GFI1B: variants seen among roughly 807,000 people sequenced by gnomAD.
The protein encoded by GFI1B is growth factor independent 1B transcriptional repressor, also known as zinc finger protein Gfi-1b.
A neutral mutation model predicts 35.3 loss-of-function variants in GFI1B; 20 were observed. The ratio of observed to expected loss-of-function variants is 0.57; its 90% CI spans 0.40 to 0.82. The LOEUF is 0.82. Among genes scored for constraint, GFI1B ranks in the 40% least tolerant of loss-of-function variants. The probability of loss-of-function intolerance (pLI) is 0.00; values close to 1 mark genes in which losing one functional copy is unlikely to be tolerated. For missense variants in GFI1B, 430 were observed against 446.3 expected, an observed-to-expected ratio of 0.96 and a Z score of 0.33; for synonymous variants, 178 against 177.6, an observed-to-expected ratio of 1.00 and a Z score of -0.02.
At chr9:132,969,034 TTATG>T (rs1261288234) in intron 1 of GFI1B, among the ~76,000 whole-genome samples, 3 of 151,934 alleles carry the variant, frequency 2.0e-5, no homozygotes, top group African/African-American at 7.3e-5. Context: ...ATGATTTGTT[TTATG>T]TTTTTTTTGA....
At chr9:132,967,565 G>A (rs2905076) in intron 1 of GFI1B, among the ~76,000 whole-genome samples, 29,216 of 152,092 alleles carry the variant, frequency 0.19, 3,435 homozygotes, top group South Asian at 0.29. Context: ...GGGGGAAACT[G>A]CAAAAATGTC....
intron 1 of GFI1B, among the ~76,000 whole-genome samples, chr9:132,949,334 C>T (rs892713230): frequency 2.6e-5 from 4 of 151,348 alleles, no homozygotes; most frequent in Admixed American, 1.3e-4. Context: ...TACACACACA[C>T]ACACACATAC....
Position 132,964,400 on chromosome 9 carries a change from C to T in GFI1B, c.-700-8325C>T, listed in dbSNP as rs548676746. On this transcript the variant is annotated intron_variant, in intron 1 of 10. Transcript: ENST00000339463. ...GGCTCTTGGACCCCTTCACTGTATA[C>T]AAACAAAACCCAGTAATGCTAAATT... Among the ~76,000 whole-genome samples, 5 of 152,188 alleles carry T rather than the reference C, an allele frequency of 3.3e-5. No homozygotes were observed. The East Asian group carries it at 5.8e-4, about 18-fold the overall frequency.
chr9:132,963,897 C>T (rs1848408929), intron 1 of GFI1B: 1 of 152,110 alleles, frequency 6.6e-6, no homozygotes, highest in Non-Finnish European at 1.5e-5. Flanking sequence ...ACCAAGATTT[C>T]CAATGTAAGA....
chr9:132,987,187 G>A, intron 2 of GFI1B, 95 bp from the exon 3 acceptor site: 1 of 1,332,558 alleles, frequency 7.5e-7, no homozygotes. Flanking sequence ...TGTCTCTCTG[G>A]GCCTCCTCCT....
chr9:132,989,625 C>A lies in GFI1B; in HGVS notation c.649-117C>A. On this transcript the variant is annotated intron_variant, in intron 5 of 6. Coordinates refer to ENST00000372122, the MANE Select transcript of GFI1B (RefSeq NM_001377304.1). The surrounding 1 kb of genome is among the most constrained non-coding windows in gnomAD (Gnocchi z 6.2). ...CACCTCAGAGGCAGAGATGAGGGGT[C>A]CCCCGGTCCTGCTCCTCCAGGCCGC... is the stretch of plus-strand genomic sequence containing the variant. The A allele has an allele frequency of 4.1e-6, 3 of 736,516 alleles. No homozygotes were observed. The highest frequency in any genetic ancestry group is 6.9e-6 in the Non-Finnish European group (3 of 433,676). 45.6% of individuals were successfully genotyped at this position (736,516 alleles called of 1,614,324 possible). A position where few individuals can be genotyped will look rare whatever the true frequency, so the allele number is the denominator to read the frequency against.
Position 132,950,322 on chromosome 9 carries a change from C to T in GFI1B, c.-701+4653C>T, listed in dbSNP as rs532231120. Among the ~76,000 whole-genome samples, 448 of 152,070 alleles carry T rather than the reference C, an allele frequency of 2.9e-3. 3 individuals carry two copies. Among genetic ancestry groups the T allele is most frequent in the Middle Eastern group, 6.8e-3 (2 of 294 alleles). On this transcript the variant is annotated intron_variant, in intron 1 of 10. Coordinates refer to the GFI1B transcript ENST00000339463. ...AGTCTTTTTAGGACCCCCAGGATGGCAAAAAGACCCCTGCCCTGAGCCCAC... is the reference window on the plus strand; with the variant it reads ...AGTCTTTTTAGGACCCCCAGGATGGTAAAAAGACCCCTGCCCTGAGCCCAC...
upstream of GFI1B, among the ~76,000 whole-genome samples, chr9:132,974,078 C>T (rs146562303): frequency 1.8e-4 from 27 of 152,240 alleles, no homozygotes; most frequent in African/African-American, 5.8e-4. Context: ...GAGATCATGG[C>T]GTGAGGATGA....
At chr9:132,947,958 G>A (rs1588401157) in intron 1 of GFI1B, among the ~76,000 whole-genome samples, 2 of 152,306 alleles carry the variant, frequency 1.3e-5, no homozygotes, top group Admixed American at 6.5e-5. Context: ...AAGTATGGCC[G>A]CTGGGATTGG....
At chr9:132,964,328 T>C (rs537092706) in intron 1 of GFI1B, among the ~76,000 whole-genome samples, 1 of 152,316 alleles carries the variant, frequency 6.6e-6, no homozygotes, top group South Asian at 2.1e-4. Flanking sequence ...ATGGATACAC[T>C]AAAATACCAG....
At chr9:132,984,327 C>T (rs1026044497) in intron 1 of GFI1B, among the ~76,000 whole-genome samples, 2 of 151,990 alleles carry the variant, frequency 1.3e-5, no homozygotes, top group Non-Finnish European at 2.9e-5. Flanking sequence ...TGTGGGGAGC[C>T]CTGGTGAGGG....
At position 132,989,413 on chromosome 9, in the gene GFI1B, C is replaced by G. The variant is rs547253004; in HGVS notation, c.648+215C>G. On this transcript the variant is annotated intron_variant, in intron 5 of 6. Coordinates refer to ENST00000372122, the MANE Select transcript of GFI1B (RefSeq NM_001377304.1). This position sits in a 1 kb window ranked among gnomAD's most constrained non-coding sequence, Gnocchi z 6.2. ...ACTAAACCACCGTGCAGACCACAAC[C>G]ATCCCTGCCTCAAGGAACTCACTCT... Among the ~76,000 whole-genome samples the G allele has an allele frequency of 6.6e-6, 1 of 152,226 alleles. No individual in the cohort carries two copies. Among genetic ancestry groups the G allele is most frequent in the South Asian group, 2.1e-4 (1 of 4,834 alleles).
chr9:132,948,099 T>C (rs1287565265), intron 1 of GFI1B, among the ~76,000 whole-genome samples: 1 of 152,214 alleles, frequency 6.6e-6, no homozygotes, highest in African/African-American at 2.4e-5. Flanking sequence ...TCAGGCCATA[T>C]TTCATTTGCT....
chr9:132,987,301 A>G lies in GFI1B; in HGVS notation c.120A>G (p.Pro40=), dbSNP rs748361298. The G allele has an allele frequency of 1.2e-6, 2 of 1,614,018 alleles. No individual in the cohort carries two copies. The highest frequency in any genetic ancestry group is 1.3e-5 in the African/African-American group (1 of 74,940). ...ALTPVPRDQA[P]SNSPVLSTLF... ...CCACAGTGCCCAGAGACCAGGCTCC[A>G]AGCAACAGCCCTGTCCTTAGCACTC... is the stretch of plus-strand genomic sequence containing the variant. Residue 40 remains proline, a synonymous_variant, in exon 3 of 7, where the codon CCA becomes CCG. Coordinates refer to ENST00000372122, the MANE Select transcript of GFI1B (RefSeq NM_001377304.1).
At chr9:132,970,054 C>T (rs1447869431) in intron 1 of GFI1B, among the ~76,000 whole-genome samples, 1 of 151,954 alleles carries the variant, frequency 6.6e-6, no homozygotes, top group African/African-American at 2.4e-5. Flanking sequence ...TAGTGCTGAT[C>T]AGTGTTGAGA....
chr9:132,966,458 A>G (rs1848451919), intron 1 of GFI1B, among the ~76,000 whole-genome samples: 1 of 152,228 alleles, frequency 6.6e-6, no homozygotes, highest in African/African-American at 2.4e-5. Context: ...AGGAGAGAAG[A>G]CAAATCACTT....
chr9:132,947,565 T>C (rs908120108), intron 1 of GFI1B, among the ~76,000 whole-genome samples: 1 of 151,838 alleles, frequency 6.6e-6, no homozygotes, highest in African/African-American at 2.4e-5. Flanking sequence ...TCCTAGCAAT[T>C]TGGGAGGCCA....
chr9:132,962,398 C>T lies in GFI1B; in HGVS notation c.-700-10327C>T, dbSNP rs1848381027. 1.4e-5 allele frequency: 4 copies of T among 280,952 alleles called. No homozygotes were observed. In the Admixed American group the frequency reaches 2.0e-4, roughly 14 times the overall value. The allele number at this position is 280,952 out of a possible 1,614,324, so 17.4% of individuals were successfully genotyped here. ...AGGTGATCCGCTCACCTCAGCCTTC[C>T]AGAGTGCGGGATTACAAGTGTGAGC... On this transcript the variant is annotated intron_variant, in intron 1 of 10. Transcript: ENST00000339463.
chr9:132,945,589 A>G (rs959727564), exon 1 of GFI1B: 25 of 154,206 alleles, frequency 1.6e-4, no homozygotes, highest in African/African-American at 6.0e-4. Flanking sequence ...CAGCACGAAC[A>G]CAAAGCCCTG....
Sources: gnomAD v4.1 joint callset for allele counts (sites outside exome capture counted in the v4.1 genomes callset) on GRCh38, gnomAD v4.1.1 for gene constraint, Gnocchi (gnomAD v3.1) non-coding constraint, MANE v1.5 for transcripts, NCBI Gene and HGNC (gene_info 2026-07-23, HGNC 2026-07-21) for gene names.